The following SEL1L variants were observed in gnomAD, a reference collection of about 807,000 sequenced individuals.
SEL1L encodes SEL1L adaptor subunit of SYVN1 ubiquitin ligase, also known as protein sel-1 homolog 1.
A neutral mutation model predicts 109.8 loss-of-function variants in SEL1L; 52 were observed. The ratio of observed to expected loss-of-function variants is 0.47; its 90% CI spans 0.38 to 0.60. The LOEUF (loss-of-function observed/expected upper bound fraction) is 0.60. Ranked by LOEUF, SEL1L falls within the 20% of genes least tolerant of loss-of-function variation. The probability of loss-of-function intolerance (pLI) is 0.00; values close to 1 mark genes in which losing one functional copy is unlikely to be tolerated. For synonymous variants in SEL1L, 373 were observed against 339.6 expected (o/e 1.10, Z -1.08); for missense variants, 749 against 962.2 (o/e 0.78, Z 2.93).
intron 3 of SEL1L, among the ~76,000 whole-genome samples, chr14:81,524,672 G>C (rs1270942695): frequency 6.6e-6 from 1 of 152,206 alleles, no homozygotes; most frequent in African/African-American, 2.4e-5. Flanking sequence ...AGGAGTTCGA[G>C]ACCAGCCTGG....
chr14:81,499,659 G>C lies in SEL1L; in HGVS notation c.781C>G (p.Leu261Val). 6 of 1,606,724 alleles carry C rather than the reference G, an allele frequency of 3.7e-6. No individual in the cohort carries two copies. The highest frequency in any genetic ancestry group is 5.1e-6 in the Non-Finnish European group (6 of 1,178,390). Residue 261 changes from leucine (L) to valine (V), a missense_variant, in exon 7 of 21, where the codon CTT becomes GTT. Physicochemically the swap from Leu to Val is conservative, Grantham distance 32. Transcript: ENST00000336735. ...AGTCCAGAGGCATACAGAAAGCCAAGAGCCTGAAATAGATGATAAAAGTAA... is the reference window on the plus strand; with the variant it reads ...AGTCCAGAGGCATACAGAAAGCCAACAGCCTGAAATAGATGATAAAAGTAA... ...EEGSPKGQTA[L>V]GFLYASGLGV...
chr14:81,529,393 C>CATT (rs1355054512), intron 1 of SEL1L, among the ~76,000 whole-genome samples: 2 of 152,032 alleles, frequency 1.3e-5, no homozygotes, highest in African/African-American at 4.8e-5. Context: ...ATGAAATACC[C>CATT]CCAAATACTG....
At chr14:81,521,293 A>G (rs1884896751) in intron 3 of SEL1L, among the ~76,000 whole-genome samples, 1 of 152,204 alleles carries the variant, frequency 6.6e-6, no homozygotes, top group Non-Finnish European at 1.5e-5. Context: ...GAAATAGCTG[A>G]CTTTCATTTC....
rs566552208 is a variant in SEL1L at position 81,508,563 on chromosome 14, A to G, written c.341-2322T>C. ...GGAGTTTGAGACCAGCCTGGGCAAC[A>G]TGGTGAAACTCTGTCTCTACTAAAA... On this transcript the variant is annotated intron_variant, in intron 3 of 20. Coordinates refer to ENST00000336735, the MANE Select transcript of SEL1L (RefSeq NM_005065.6). Among the ~76,000 whole-genome samples, 11 of 152,260 alleles carry G rather than the reference A, an allele frequency of 7.2e-5. No homozygotes were observed. In the East Asian group the frequency reaches 2.1e-3, roughly 29 times the overall value.
In SEL1L at chr14:81,471,905, A is replaced by G. The variant is rs1463350039; in HGVS notation, c.*5067T>C. Reference sequence around the variant, plus strand: ...CCTCCTTTTGAACTGATTAACGCTCACTTTTTCTTATTCGTAAAAAAATAC... The same window carrying G: ...CCTCCTTTTGAACTGATTAACGCTCGCTTTTTCTTATTCGTAAAAAAATAC... On this transcript the variant is annotated 3_prime_UTR_variant, in exon 21 of 21. Transcript: ENST00000336735. 6.6e-6 allele frequency: 1 copy of G among 152,134 alleles called. No individual in the cohort carries two copies. Among genetic ancestry groups the G allele is most frequent in the Non-Finnish European group, 1.5e-5 (1 of 68,018 alleles). The allele number at this position is 152,134 out of a possible 1,614,324, so 9.4% of individuals were successfully genotyped here.
At chr14:81,490,194 T>G (rs1045150228) in intron 13 of SEL1L, among the ~76,000 whole-genome samples, 194 bp downstream of exon 13, 2 of 152,216 alleles carry the variant, frequency 1.3e-5, no homozygotes, top group Admixed American at 1.3e-4. Flanking sequence ...AATCAACAAC[T>G]TGGTCCCTAA....
intron 10 of SEL1L, among the ~76,000 whole-genome samples, chr14:81,495,447 G>A (rs8020654): frequency 0.031 from 4,679 of 152,162 alleles, 246 homozygotes; most frequent in African/African-American, 0.11. Flanking sequence ...AACAACTTGG[G>A]CAACATCGCA....
chr14:81,499,428 T>C (rs774660844), intron 8 of SEL1L, 31 bp downstream of exon 8: 2 of 1,596,202 alleles, frequency 1.3e-6, no homozygotes, highest in South Asian at 2.3e-5. Context: ...CTGATGTTAA[T>C]ATTATTAGCC....
At chr14:81,529,129 A>C (rs1205762532) in intron 1 of SEL1L, among the ~76,000 whole-genome samples, 1 of 152,150 alleles carries the variant, frequency 6.6e-6, no homozygotes, top group Admixed American at 6.6e-5. Context: ...GCCACATATT[A>C]GTCCCACAGC....
At chr14:81,516,218 C>T (rs922567417) in intron 3 of SEL1L, among the ~76,000 whole-genome samples, 1 of 152,174 alleles carries the variant, frequency 6.6e-6, no homozygotes, top group African/African-American at 2.4e-5. Context: ...CTCACCGAGC[C>T]CCGGGTACGT....
In SEL1L at chr14:81,473,577, T is replaced by C. The variant is rs1229014550; in HGVS notation, c.*3395A>G. The C allele has an allele frequency of 6.6e-6, 1 of 152,208 alleles. No homozygotes were observed. Among genetic ancestry groups the C allele is most frequent in the African/African-American group, 2.4e-5 (1 of 41,472 alleles). The allele number at this position is 152,208 out of a possible 1,614,324, so 9.4% of individuals were successfully genotyped here. On this transcript the variant is annotated 3_prime_UTR_variant, in exon 21 of 21. Transcript: ENST00000336735. ...TAGTCATAATAATGTGTAATACATA[T>C]ATATATTATGAGATTCACTTTCAAA...
chr14:81,527,928 T>C (rs1595539061), intron 1 of SEL1L, among the ~76,000 whole-genome samples, 190 bp from the exon 2 acceptor site: 2 of 150,818 alleles, frequency 1.3e-5, no homozygotes, highest in Non-Finnish European at 3.0e-5. Context: ...AAAAAATGGG[T>C]TGGGGGTTTA....
intron 18 of SEL1L, among the ~76,000 whole-genome samples, chr14:81,485,126 C>G (rs1309983996): frequency 4.6e-5 from 7 of 152,182 alleles, no homozygotes; most frequent in Non-Finnish European, 1.0e-4. Flanking sequence ...TGGCCTCAAA[C>G]TGGAAAACAA....
At position 81,477,185 on chromosome 14, in the gene SEL1L, A is replaced by C; in HGVS notation, c.2176-4T>G. On this transcript the variant is annotated splice_region_variant and splice_polypyrimidine_tract_variant and intron_variant, in intron 20 of 20. Coordinates refer to ENST00000336735, the MANE Select transcript of SEL1L (RefSeq NM_005065.6). The stretch of plus-strand genomic sequence containing the variant: ...GTTGGGTGAACATATCTCGAATCTT[A>C]ATGAAAATAATATAGAAACCATTAT... 1.2e-6 allele frequency: 2 copies of C among 1,610,104 alleles called. No homozygotes were observed. The highest frequency in any genetic ancestry group is 1.7e-4 in the Middle Eastern group (1 of 6,056).
Position 81,486,372 on chromosome 14 carries a change from T to C in SEL1L, c.1715A>G (p.Asn572Ser). Residue 572 changes from asparagine (N) to serine (S), a missense_variant, in exon 17 of 21, where the codon AAT (asparagine) becomes AGT (serine). By Grantham distance (46) the Asn-to-Ser change is conservative (BLOSUM62 1). Coordinates refer to ENST00000336735, the MANE Select transcript of SEL1L (RefSeq NM_005065.6). ...GAGGAGGTACTGGATCACTGCAGCA[T>C]TGTAATCGCCATCTTTATAGCTGTT... ...AYNSYKDGDY[N>S]AAVIQYLLLA... 1 of 1,614,172 alleles carries C rather than the reference T, an allele frequency of 6.2e-7. No homozygotes were observed. The highest frequency in any genetic ancestry group is 1.3e-5 in the African/African-American group (1 of 75,048).
At chr14:81,512,268 T>C (rs929326177) in intron 3 of SEL1L, among the ~76,000 whole-genome samples, 1 of 152,174 alleles carries the variant, frequency 6.6e-6, no homozygotes, top group African/African-American at 2.4e-5. Context: ...AGGAAGAAAT[T>C]CTCCAAGCAA....
intron 4 of SEL1L, among the ~76,000 whole-genome samples, chr14:81,505,802 T>C (rs1043284228): frequency 2.6e-5 from 4 of 152,224 alleles, no homozygotes; most frequent in African/African-American, 9.7e-5. Context: ...TGTTTAATAA[T>C]TTATCAGGCT....
chr14:81,510,857 G>C (rs895093991), intron 3 of SEL1L, among the ~76,000 whole-genome samples: 14 of 152,080 alleles, frequency 9.2e-5, no homozygotes, highest in African/African-American at 3.4e-4. Context: ...AACTGTCATA[G>C]TGTTCATCAA....
At position 81,490,320 on chromosome 14, in the gene SEL1L, T is replaced by C. The variant is rs556923887; in HGVS notation, c.1332+68A>G. 39 of 1,196,072 alleles carry C rather than the reference T, an allele frequency of 3.3e-5. No individual in the cohort carries two copies. In the East Asian group the frequency reaches 5.3e-4, roughly 16 times the overall value. 74.1% of individuals were successfully genotyped at this position (1,196,072 alleles called of 1,614,324 possible). A position where few individuals can be genotyped will look rare whatever the true frequency, so the allele number is the denominator to read the frequency against. Reference sequence around the variant, plus strand: ...GTTGGTTATGATTAACCCTTTAATATAACAAATTCATTTATTAAAATATTA... The same window carrying C: ...GTTGGTTATGATTAACCCTTTAATACAACAAATTCATTTATTAAAATATTA... On this transcript the variant is annotated intron_variant, in intron 13 of 20. Transcript: ENST00000336735.
Sources: allele counts gnomAD v4.1 joint callset (sites outside exome capture counted in the v4.1 genomes callset), GRCh38; gene constraint gnomAD v4.1.1; transcripts MANE v1.5; gene names NCBI Gene and HGNC (gene_info 2026-07-23, HGNC 2026-07-21).